The following UPP2 variants were observed in gnomAD, a reference collection of about 807,000 sequenced individuals.
UPP2 encodes UPase 2.
Under a neutral mutation model 26.7 loss-of-function variants are expected in UPP2, and 23 were observed. The observed-to-expected ratio is 0.86, with a 90% confidence interval of 0.62 to 1.22. The LOEUF (loss-of-function observed/expected upper bound fraction) is 1.22, where lower values mean the gene tolerates loss of function less well. Ranked by LOEUF, UPP2 falls within the 50% of genes most tolerant of loss-of-function variation. The pLI is 0.00. For missense variants in UPP2, 387 were observed against 396.7 expected (o/e 0.98, Z 0.21); for synonymous variants, 127 against 141.3 (o/e 0.90, Z 0.72).
At chr2:158,078,417 T>G (rs1305163832) in intron 3 of UPP2, among the ~76,000 whole-genome samples, 1 of 152,152 alleles carries the variant, frequency 6.6e-6, no homozygotes, top group Non-Finnish European at 1.5e-5. Flanking sequence ...TGAATGAATG[T>G]GATACACAGA....
chr2:158,071,125 G>T (rs1682532770), intron 3 of UPP2, among the ~76,000 whole-genome samples: 1 of 152,130 alleles, frequency 6.6e-6, no homozygotes, highest in Non-Finnish European at 1.5e-5. Flanking sequence ...CATTTCCTAG[G>T]CAAGTCCTAA....
intron 3 of UPP2, among the ~76,000 whole-genome samples, chr2:158,083,865 T>TATATA (rs1553467788): frequency 8.4e-6 from 1 of 118,750 alleles, no homozygotes; most frequent in African/African-American, 3.2e-5. Flanking sequence ...TATATATGTT[T>TATATA]TTTATATATA....
chr2:158,031,203 C>T (rs1034154002), intron 3 of UPP2, among the ~76,000 whole-genome samples: 3 of 152,096 alleles, frequency 2.0e-5, no homozygotes, highest in African/African-American at 7.2e-5. Context: ...AGGCTTTCCT[C>T]CTTCATTAGT....
chr2:158,010,792 G>GTC (rs1270819836), intron 2 of UPP2, among the ~76,000 whole-genome samples: 15 of 142,464 alleles, frequency 1.1e-4, no homozygotes, highest in African/African-American at 3.8e-4. Context: ...TTGAGACAGA[G>GTC]TCTCGCTCTG....
chr2:158,007,842 C>T (rs1006798182), intron 2 of UPP2, among the ~76,000 whole-genome samples: 5 of 152,090 alleles, frequency 3.3e-5, no homozygotes, highest in Non-Finnish European at 7.4e-5. Flanking sequence ...CCTCGTGATC[C>T]GCCTGCCTTG....
chr2:158,000,839 G>T (rs528351637), intron 2 of UPP2, among the ~76,000 whole-genome samples: 1 of 152,162 alleles, frequency 6.6e-6, no homozygotes, highest in Non-Finnish European at 1.5e-5. Context: ...AGGGAATTTG[G>T]GTCTACAAAA....
chr2:158,128,186 G>T (rs951655894), intron 6 of UPP2, among the ~76,000 whole-genome samples: 3 of 152,172 alleles, frequency 2.0e-5, no homozygotes, highest in Non-Finnish European at 2.9e-5. Flanking sequence ...ACTCACAGTG[G>T]CTTTTCTTTA....
intron 3 of UPP2, among the ~76,000 whole-genome samples, chr2:158,091,800 T>C (rs564626648): frequency 1.2e-4 from 19 of 152,226 alleles, no homozygotes; most frequent in Middle Eastern, 3.4e-3. Flanking sequence ...AGTATGACAA[T>C]GGGGAAGTGC....
intron 3 of UPP2, among the ~76,000 whole-genome samples, chr2:158,074,292 T>G (rs1158588931): frequency 6.6e-6 from 1 of 152,178 alleles, no homozygotes; most frequent in Non-Finnish European, 1.5e-5. Flanking sequence ...AAACTGTAAT[T>G]GTGATGTGTT....
At position 158,035,346 on chromosome 2, in the gene UPP2, G is replaced by C. The variant is rs1456393764; in HGVS notation, c.147+19460G>C. On this transcript the variant is annotated intron_variant, in intron 3 of 9. Transcript: ENST00000605860. ...TAATTTTTGTATTTTTAGTGGATAC[G>C]GGGTTTCACCATGTTGGTCAGGCTG... Among the ~76,000 whole-genome samples, 7 of 152,036 alleles carry C rather than the reference G, an allele frequency of 4.6e-5. No homozygotes were observed. The East Asian group carries it at 1.2e-3, about 25-fold the overall frequency.
At chr2:158,110,189 G>A (rs1248432945) in intron 2 of UPP2, among the ~76,000 whole-genome samples, 1 of 152,024 alleles carries the variant, frequency 6.6e-6, no homozygotes, top group East Asian at 1.9e-4. Flanking sequence ...AGTGTGTGAT[G>A]TTCCCCTTCC....
intron 2 of UPP2, among the ~76,000 whole-genome samples, chr2:158,109,616 G>A (rs1683269566): frequency 1.3e-5 from 2 of 152,150 alleles, no homozygotes; most frequent in African/African-American, 4.8e-5. Context: ...ACTGGAAATG[G>A]TACCCATTAC....
chr2:158,091,446 T>C (rs1682910393), intron 3 of UPP2, among the ~76,000 whole-genome samples: 1 of 152,164 alleles, frequency 6.6e-6, no homozygotes, highest in South Asian at 2.1e-4. Flanking sequence ...AAAAATAGGA[T>C]ACGGTTTTTA....
chr2:158,118,226 G>T (rs1377231254), intron 4 of UPP2, among the ~76,000 whole-genome samples: 1 of 151,816 alleles, frequency 6.6e-6, no homozygotes, highest in Admixed American at 6.6e-5. Flanking sequence ...TGTTTTGAGG[G>T]TAGGGGTAAA....
chr2:158,032,289 A>G (rs1683934086), intron 3 of UPP2, among the ~76,000 whole-genome samples: 1 of 152,100 alleles, frequency 6.6e-6, no homozygotes, highest in Admixed American at 6.5e-5. Context: ...GTCACCAGAA[A>G]TGTTCATGGC....
At chr2:158,018,957 A>G (rs922811367) in intron 3 of UPP2, among the ~76,000 whole-genome samples, 1 of 152,174 alleles carries the variant, frequency 6.6e-6, no homozygotes, top group Non-Finnish European at 1.5e-5. Flanking sequence ...AGACAGAAGC[A>G]TGGTCTTGCG....
Position 158,088,588 on chromosome 2 carries a change from G to C in UPP2, c.148-13452G>C, listed in dbSNP as rs527634305. Among the ~76,000 whole-genome samples, 5 of 152,136 alleles carry C rather than the reference G, an allele frequency of 3.3e-5. No homozygotes were observed. The East Asian group carries it at 9.7e-4, about 29-fold the overall frequency. On this transcript the variant is annotated intron_variant, in intron 3 of 9. Coordinates refer to the UPP2 transcript ENST00000605860. ...TCATATTACTAGAATTTTTTTTCTG[G>C]TTCCTTCTCATATGGGTAGACTATG...
intron 3 of UPP2, among the ~76,000 whole-genome samples, chr2:158,069,961 T>G (rs953086752): frequency 1.3e-5 from 2 of 152,104 alleles, no homozygotes; most frequent in South Asian, 2.1e-4. Context: ...TTATAAGGGC[T>G]TTAATCTCAA....
chr2:158,064,581 CTTTAG>C (rs977229019), intron 3 of UPP2, among the ~76,000 whole-genome samples: 1 of 152,104 alleles, frequency 6.6e-6, no homozygotes, highest in African/African-American at 2.4e-5. Flanking sequence ...TGCAGAAGCT[CTTTAG>C]TTTAATTAGA....
Sources: gnomAD v4.1 joint callset for allele counts (sites outside exome capture counted in the v4.1 genomes callset) on GRCh38, gnomAD v4.1.1 for gene constraint, MANE v1.5 for transcripts, NCBI Gene and HGNC (gene_info 2026-07-23, HGNC 2026-07-21) for gene names.